GREB1: variants seen among roughly 807,000 people sequenced by gnomAD.
GREB1 encodes growth regulating estrogen receptor binding 1, also known as protein GREB1.
A neutral mutation model predicts 200.7 loss-of-function variants in GREB1; 106 were observed. That is an observed-to-expected ratio of 0.53 (90% CI 0.45 to 0.62). GREB1 has a LOEUF of 0.62. GREB1 is among the 20% of genes least tolerant of loss of function. The pLI, the probability that GREB1 is intolerant of heterozygous loss-of-function variation, is 0.00. For synonymous variants in GREB1, 1,132 were observed against 1,092.4 expected, an observed-to-expected ratio of 1.04 and a Z score of -0.72; for missense variants, 2,243 against 2,556.8, an observed-to-expected ratio of 0.88 and a Z score of 2.65.
rs531596879 is a variant in GREB1 at position 11,589,652 on chromosome 2, G to A, written c.1345+721G>A. On this transcript the variant is annotated intron_variant, in intron 10 of 32. Coordinates refer to ENST00000381486, the MANE Select transcript of GREB1 (RefSeq NM_014668.4). Reference sequence around the variant, plus strand: ...AAAAACGCCACCCTGGCGGCTATGTGGAGTCAGATGGGGCAGACGCAGTGG... The same window carrying A: ...AAAAACGCCACCCTGGCGGCTATGTAGAGTCAGATGGGGCAGACGCAGTGG... 1.8e-4 allele frequency among the ~76,000 whole-genome samples: 27 copies of A among 152,370 alleles called. 1 individual carries two copies. The highest frequency in any genetic ancestry group is 1.3e-3 in the Admixed American group (20 of 15,308).
chr2:11,552,296 G>T (rs543532037), intron 1 of GREB1, among the ~76,000 whole-genome samples: 2 of 152,232 alleles, frequency 1.3e-5, no homozygotes, highest in Non-Finnish European at 2.9e-5. Flanking sequence ...GTGTTAGGGC[G>T]TGGAAGAAAT....
chr2:11,558,018 G>C (rs890839291), intron 2 of GREB1, among the ~76,000 whole-genome samples: 1 of 152,170 alleles, frequency 6.6e-6, no homozygotes, highest in Non-Finnish European at 1.5e-5. Flanking sequence ...GCTAATTATG[G>C]ATTAATAATA....
At chr2:11,509,131 T>TC (rs59029515) in intron 1 of GREB1, among the ~76,000 whole-genome samples, 151,015 of 151,926 alleles carry the variant, frequency 0.99, 75,066 homozygotes, top group Non-Finnish European at 1. Flanking sequence ...TGCCTTGGCC[T>TC]CCAAAGTGCT....
At chr2:11,576,635 G>A in intron 5 of GREB1, 100 bp downstream of exon 5, 1 of 848,162 alleles carries the variant, frequency 1.2e-6, no homozygotes, top group Non-Finnish European at 1.9e-6. Context: ...CTGCATAGCA[G>A]CACACATCAC....
In GREB1 at chr2:11,585,768, C is replaced by G. The variant is rs1235911033; in HGVS notation, c.1022C>G (p.Ala341Gly). 2 of 1,613,038 alleles carry G rather than the reference C, an allele frequency of 1.2e-6. No homozygotes were observed. The highest frequency in any genetic ancestry group is 2.2e-5 in the South Asian group (2 of 91,030). ...GGGNRAKYESAGMSCVPQVGL... is the reference protein window; with the variant it reads ...GGGNRAKYESGGMSCVPQVGL... Reference sequence around the variant, plus strand: ...TATTCTTGGGTGTTCCTAGAGAGCGCAGGCATGTCCTGCGTGCCGCAGGTT... The same window carrying G: ...TATTCTTGGGTGTTCCTAGAGAGCGGAGGCATGTCCTGCGTGCCGCAGGTT... The change falls in exon 9 of 33, where the codon GCA (alanine) becomes GGA (glycine). Residue 341 changes from alanine (A) to glycine (G), a missense_variant. Around this residue, in one of 3 missense-constraint regions of GREB1, gnomAD observed 1,178 missense variants for 1,387.4 expected, o/e 0.85. Coordinates refer to ENST00000381486, the MANE Select transcript of GREB1 (RefSeq NM_014668.4).
intron 17 of GREB1, among the ~76,000 whole-genome samples, chr2:11,606,162 A>C (rs571342357): frequency 3.3e-5 from 5 of 152,316 alleles, no homozygotes; most frequent in African/African-American, 1.2e-4. Flanking sequence ...GCAAAAGTCA[A>C]CTTTCCATGT....
chr2:11,617,269 C>T (rs964150630), intron 21 of GREB1, among the ~76,000 whole-genome samples: 3 of 152,242 alleles, frequency 2.0e-5, no homozygotes, highest in African/African-American at 7.2e-5. Flanking sequence ...AGTCAGGATC[C>T]CGCAGAGGAG....
intron 1 of GREB1, among the ~76,000 whole-genome samples, chr2:11,544,507 C>T (rs1215552587): frequency 2.0e-5 from 3 of 152,074 alleles, no homozygotes; most frequent in South Asian, 2.1e-4. Flanking sequence ...TGAGCCACTG[C>T]GCCCGGCCGA....
At chr2:11,591,407 C>T (rs761273779) in intron 10 of GREB1, 9 of 732,446 alleles carry the variant, frequency 1.2e-5, no homozygotes, top group Admixed American at 5.8e-5. Context: ...ACATCAAATA[C>T]GAAATCCGGA....
At chr2:11,525,420 C>G (rs1572591236) in intron 1 of GREB1, among the ~76,000 whole-genome samples, 2 of 148,672 alleles carry the variant, frequency 1.3e-5, no homozygotes, top group Admixed American at 1.4e-4. Flanking sequence ...TCGCTTGAAC[C>G]TAGGAAGTGG....
chr2:11,607,529 CACATATATAT>C (rs1682458296), intron 17 of GREB1, among the ~76,000 whole-genome samples: 2 of 91,974 alleles, frequency 2.2e-5, no homozygotes, highest in Non-Finnish European at 4.3e-5. Flanking sequence ...CATATATATA[CACATATATAT>C]ACATATATGT....
chr2:11,612,681 CAGG>C (rs779586898), intron 19 of GREB1, 71 bp downstream of exon 19: 1 of 951,024 alleles, frequency 1.1e-6, no homozygotes, highest in East Asian at 2.4e-5. Context: ...AGGAGCATGT[CAGG>C]GGGGCTGCTG....
rs777959183 is a variant in GREB1, at chr2:11,625,103, A to G, written c.4148-51A>G. 84 of 1,441,276 alleles carry G rather than the reference A, an allele frequency of 5.8e-5. 1 individual carries two copies. The South Asian group carries it at 9.4e-4, about 16-fold the overall frequency. 89.3% of individuals were successfully genotyped at this position (1,441,276 alleles called of 1,614,324 possible). On this transcript the variant is annotated intron_variant, in intron 23 of 32. Transcript: ENST00000381486. Reference sequence around the variant, plus strand: ...GTTGTTTAGCGACACATGACTGTAAATCATTTTCACTTCCTATTTTGTCAC... The same window carrying G: ...GTTGTTTAGCGACACATGACTGTAAGTCATTTTCACTTCCTATTTTGTCAC...
At position 11,508,873 on chromosome 2, in the gene GREB1, C is replaced by CTCTTTTTTTTT. The variant is rs1553341299; in HGVS notation, c.-159+26493_-159+26494insCTTTTTTTTTT. ...GGTGAATCCAAATTTTTCTTTCTCTCTTTTTTTTTTTTTTTTTTCGGGACA... is the reference window on the plus strand; with the variant it reads ...GGTGAATCCAAATTTTTCTTTCTCTCTCTTTTTTTTTTTTTTTTTTTTTTTTTTTCGGGACA... On this transcript the variant is annotated intron_variant, in intron 1 of 2. Transcript: ENST00000628795. Among the ~76,000 whole-genome samples the CTCTTTTTTTTT allele has an allele frequency of 1.9e-4, 27 of 139,572 alleles. 1 individual carries two copies. Among genetic ancestry groups the CTCTTTTTTTTT allele is most frequent in the African/African-American group, 7.4e-4 (27 of 36,374 alleles). 91.6% of individuals were successfully genotyped at this position (139,572 alleles called of 152,430 possible).
Position 11,597,996 on chromosome 2 carries a change from G to A in GREB1, c.2152+18G>A, listed in dbSNP as rs765577251. 2.0e-5 allele frequency: 32 copies of A among 1,587,678 alleles called. No homozygotes were observed. The highest frequency in any genetic ancestry group is 6.7e-5 in the East Asian group (3 of 44,784). The stretch of plus-strand genomic sequence containing the variant: ...GCATTCAGGTATGGGGCATTTTGGG[G>A]AGAAGTCACGTGTGGAGAAGCTTTG... On this transcript the variant is annotated intron_variant, in intron 14 of 32. Transcript: ENST00000381486. This position sits in a 1 kb window ranked among gnomAD's most constrained non-coding sequence, Gnocchi z 4.1.
chr2:11,533,692 G>A (rs79445752), upstream of GREB1, among the ~76,000 whole-genome samples: 8,999 of 152,290 alleles, frequency 0.059, 333 homozygotes, highest in East Asian at 0.14. Context: ...AAGGCAAGCC[G>A]GTGATGAACG....
intron 5 of GREB1, among the ~76,000 whole-genome samples, chr2:11,577,896 C>T (rs1272992918): frequency 6.6e-6 from 1 of 152,230 alleles, no homozygotes; most frequent in Non-Finnish European, 1.5e-5. Context: ...GTCCAAGCAC[C>T]TCAGAGGTTC....
intron 1 of GREB1, among the ~76,000 whole-genome samples, chr2:11,555,849 A>G (rs907425465): frequency 1.2e-4 from 18 of 152,186 alleles, no homozygotes; most frequent in African/African-American, 4.3e-4. Flanking sequence ...TGAGTTGTCT[A>G]CTTTAAGTGG....
chr2:11,529,696 A>G (rs114881467), upstream of GREB1, among the ~76,000 whole-genome samples: 501 of 152,346 alleles, frequency 3.3e-3, 1 homozygote, highest in African/African-American at 0.012. Flanking sequence ...AATAGACATA[A>G]CATGTAGATT....
Sources: gnomAD v4.1 joint callset for allele counts (sites outside exome capture counted in the v4.1 genomes callset) on GRCh38, gnomAD v4.1.1 for gene constraint, gnomAD v4.1.1 regional missense constraint, Gnocchi (gnomAD v3.1) non-coding constraint, MANE v1.5 for transcripts, NCBI Gene and HGNC (gene_info 2026-07-23, HGNC 2026-07-21) for gene names.